Variants in BRD9 observed in about 807,000 individuals in gnomAD.
The protein encoded by BRD9 is bromodomain-containing protein 9.
A neutral mutation model predicts 68.7 loss-of-function variants in BRD9; 47 were observed. The observed-to-expected ratio is 0.68, with a 90% CI of 0.54 to 0.87. The LOEUF (loss-of-function observed/expected upper bound fraction) is 0.87, where lower values mean the gene tolerates loss of function less well. BRD9 is among the 40% of genes least tolerant of loss of function. The pLI, the probability that BRD9 is intolerant of heterozygous loss-of-function variation, is 0.00. For synonymous variants in BRD9, 313 were observed against 293.9 expected (o/e 1.06, Z -0.67); for missense variants, 670 against 748.4 (o/e 0.90, Z 1.22).
chr5:869,432 C>CT (rs758321118), intron 14 of BRD9: 12 of 448,254 alleles, frequency 2.7e-5, no homozygotes, highest in Non-Finnish European at 4.5e-6. Flanking sequence ...AAATATATCC[C>CT]TTTGACATAT....
chr5:864,459 G>C lies in BRD9; in HGVS notation c.*9C>G, dbSNP rs200771795. On this transcript the variant is annotated 3_prime_UTR_variant, in exon 16 of 16. Transcript: ENST00000467963. ...AAAATAAAATAAAAGAGCTGAAGGT[G>C]GTCTAGAGTTAGGTCTTGGCAGAGG... 41 of 1,583,318 alleles carry C rather than the reference G, an allele frequency of 2.6e-5. No homozygotes were observed. Among genetic ancestry groups the C allele is most frequent in the Non-Finnish European group, 3.5e-5 (40 of 1,159,300 alleles).
chr5:886,745 C>T (rs1268466988), intron 6 of BRD9, 38 bp from the exon 7 acceptor site: 2 of 1,613,332 alleles, frequency 1.2e-6, no homozygotes, highest in Non-Finnish European at 1.7e-6. Context: ...CGACATGCTG[C>T]GCTTCAAAGC....
chr5:866,826 CTG>C (rs1449034306), intron 14 of BRD9, among the ~76,000 whole-genome samples: 4 of 152,164 alleles, frequency 2.6e-5, no homozygotes, highest in African/African-American at 9.7e-5. Context: ...TGACCTGAAA[CTG>C]GAACTTATAT....
chr5:877,985 C>A (rs1392059791), intron 11 of BRD9, among the ~76,000 whole-genome samples: 2 of 152,204 alleles, frequency 1.3e-5, no homozygotes, highest in African/African-American at 2.4e-5. Flanking sequence ...CCAGCCCTGC[C>A]CACACCTTCA....
rs529589390 is a variant in BRD9, at chr5:880,539, G to A, written c.1042+568C>T. Reference sequence around the variant, plus strand: ...GGAAGCAGGAATCTAGAGGCAACCCGTGCCAGGCTGCACGTTCCTCACGCG... The same window carrying A: ...GGAAGCAGGAATCTAGAGGCAACCCATGCCAGGCTGCACGTTCCTCACGCG... On this transcript the variant is annotated intron_variant, in intron 9 of 15. Coordinates refer to ENST00000467963, the MANE Select transcript of BRD9 (RefSeq NM_023924.5). 1.9e-3 allele frequency among the ~76,000 whole-genome samples: 291 copies of A among 152,212 alleles called. 3 individuals are homozygous for A. Among genetic ancestry groups the A allele is most frequent in the African/African-American group, 6.7e-3 (278 of 41,480 alleles).
intron 14 of BRD9, chr5:869,095 T>C (rs1464247081): frequency 3.4e-6 from 1 of 293,040 alleles, no homozygotes; most frequent in Non-Finnish European, 6.6e-6. Context: ...TTTCCTAGAG[T>C]GACTCACAGA....
At chr5:874,278 CACATTAAAATTACTCTTA>C (rs1017812494) in intron 12 of BRD9, among the ~76,000 whole-genome samples, 1 of 152,184 alleles carries the variant, frequency 6.6e-6, no homozygotes, top group African/African-American at 2.4e-5. Flanking sequence ...TTCTAGCTGC[CACATTAAAATTACTCTTA>C]ACATTCAATT....
intron 12 of BRD9, among the ~76,000 whole-genome samples, chr5:874,494 G>T (rs1750616011): frequency 6.6e-6 from 1 of 152,198 alleles, no homozygotes; most frequent in Admixed American, 6.5e-5. Flanking sequence ...TGTGGCCAGT[G>T]CTTTTTTATC....
At chr5:873,386 A>G (rs987549266) in intron 12 of BRD9, among the ~76,000 whole-genome samples, 3 of 152,104 alleles carry the variant, frequency 2.0e-5, no homozygotes, top group Non-Finnish European at 4.4e-5. Context: ...CACAAGCCTA[A>G]GCTAACATTC....
In BRD9 at chr5:889,030, C is replaced by T. The variant is rs143136479; in HGVS notation, c.597G>A (p.Thr199=). The change falls in exon 5 of 16, where the codon ACG becomes ACA. Residue 199 remains threonine (T), a synonymous_variant. Coordinates refer to ENST00000467963, the MANE Select transcript of BRD9 (RefSeq NM_023924.5). ...AATGAAAGTAACTTACCTTAAATTC[C>T]GTAACTGACTTGTATTCATTAGCTA... ...KIVANEYKSV[T]EFKADFKLMC... 2.6e-4 allele frequency: 424 copies of T among 1,605,262 alleles called. 1 individual carries two copies. Among genetic ancestry groups the T allele is most frequent in the South Asian group, 1.7e-3 (151 of 88,180 alleles).
chr5:882,111 C>G (rs1195295968), intron 8 of BRD9: 4 of 153,012 alleles, frequency 2.6e-5, no homozygotes, highest in African/African-American at 7.2e-5. Flanking sequence ...ACCCAGAACC[C>G]AGGTCCTGGC....
chr5:865,752 C>T, intron 14 of BRD9, 171 bp from the exon 15 acceptor site: 2 of 689,690 alleles, frequency 2.9e-6, no homozygotes, highest in Non-Finnish European at 2.4e-6. Flanking sequence ...GGAGGACAGA[C>T]ATTACCCTTA....
intron 7 of BRD9, among the ~76,000 whole-genome samples, chr5:884,915 C>T (rs868658102): frequency 3.3e-5 from 5 of 152,258 alleles, no homozygotes; most frequent in South Asian, 2.1e-4. Context: ...GAGCTCGGCA[C>T]GCTCTCCTGC....
At chr5:888,437 GCTT>G (rs1381409280) in intron 5 of BRD9, 2 of 152,266 alleles carry the variant, frequency 1.3e-5, no homozygotes, top group African/African-American at 4.8e-5. Context: ...GAAAAGTCAA[GCTT>G]TCCCCAGGGG....
chr5:865,652 A>G, intron 14 of BRD9, 71 bp from the exon 15 acceptor site: 3 of 1,457,874 alleles, frequency 2.1e-6, no homozygotes, highest in Non-Finnish European at 2.8e-6. Flanking sequence ...GCAGGAGCAC[A>G]CTGCCCATCC....
intron 14 of BRD9, among the ~76,000 whole-genome samples, chr5:869,929 A>G (rs1427556649): frequency 6.6e-6 from 1 of 152,256 alleles, no homozygotes; most frequent in Non-Finnish European, 1.5e-5. Flanking sequence ...ACTGTGTCAC[A>G]GCCACGGTCT....
At chr5:873,379 A>G (rs1281546674) in intron 12 of BRD9, among the ~76,000 whole-genome samples, 1 of 152,092 alleles carries the variant, frequency 6.6e-6, no homozygotes, top group East Asian at 1.9e-4. Flanking sequence ...CCACACCCAC[A>G]AGCCTAAGCT....
At chr5:891,342 G>C in intron 2 of BRD9, 55 bp from the exon 3 acceptor site, 1 of 1,531,552 alleles carries the variant, frequency 6.5e-7, no homozygotes, top group Non-Finnish European at 8.8e-7. Flanking sequence ...GATCCGGACA[G>C]GTCTGCCCAA....
intron 7 of BRD9, among the ~76,000 whole-genome samples, chr5:885,082 C>T (rs1212533049): frequency 6.6e-6 from 1 of 152,228 alleles, no homozygotes; most frequent in East Asian, 1.9e-4. Flanking sequence ...AACTTCAATT[C>T]CCCCTCGATG....
Sources: gnomAD v4.1 joint callset for allele counts (sites outside exome capture counted in the v4.1 genomes callset) on GRCh38, gnomAD v4.1.1 for gene constraint, MANE v1.5 for transcripts, NCBI Gene and HGNC (gene_info 2026-07-23, HGNC 2026-07-21) for gene names.